Variants in VAMP7 observed in about 807,000 individuals in gnomAD.
VAMP7 encodes vesicle associated membrane protein 7, also known as vesicle-associated membrane protein 7.
In VAMP7, 14 loss-of-function variants were observed where a neutral mutation model predicts 29.6. The ratio of observed to expected loss-of-function variants is 0.47; its 90% confidence interval spans 0.31 to 0.74. VAMP7 has a LOEUF of 0.74. Among genes scored for constraint, VAMP7 ranks in the 30% least tolerant of loss-of-function variants. The pLI, the probability that VAMP7 is intolerant of heterozygous loss-of-function variation, is 0.05. For synonymous variants in VAMP7, 95 were observed against 88.1 expected (o/e 1.08, Z -0.44); for missense variants, 223 against 262.4 (o/e 0.85, Z 1.04).
rs774686924 is a variant in VAMP7 at position 155,918,614 on chromosome X, C to T, written c.434-1199C>T. 1.1e-3 allele frequency among the ~76,000 whole-genome samples: 175 copies of T among 152,218 alleles called. No individual in the cohort carries two copies. The South Asian group carries it at 0.017, about 15-fold the overall frequency. On this transcript the variant is annotated intron_variant, in intron 5 of 7. Coordinates refer to ENST00000286448, the MANE Select transcript of VAMP7 (RefSeq NM_005638.6). ...GATGAGGCAACGCCCCACCCTGCTT[C>T]GGCTCACCCTCCGTGGGCTGCACCC... is the stretch of plus-strand genomic sequence containing the variant.
chrX:155,881,618 G>A (rs2065802745), intron 1 of VAMP7, among the ~76,000 whole-genome samples, 170 bp downstream of exon 1: 1 of 152,076 alleles, frequency 6.6e-6, no homozygotes, highest in Non-Finnish European at 1.5e-5. Flanking sequence ...TTGGCGAGGT[G>A]CGTCTTATGC....
chrX:155,881,807 C>A (rs1439901008), intron 1 of VAMP7, among the ~76,000 whole-genome samples: 1 of 152,126 alleles, frequency 6.6e-6, no homozygotes, highest in African/African-American at 2.4e-5. Context: ...TCGATGACGT[C>A]ACTTTCTGCT....
rs773234929 is a variant in VAMP7, at chrX:155,889,499, G to A, written c.33G>A (p.Gly11=). The A allele has an allele frequency of 1.2e-6, 2 of 1,613,622 alleles. No individual in the cohort carries two copies. The highest frequency in any genetic ancestry group is 1.7e-6 in the Non-Finnish European group (2 of 1,179,768). Residue 11 remains glycine (G), a synonymous_variant, in exon 2 of 8, where the codon GGG becomes GGA. Coordinates refer to ENST00000286448, the MANE Select transcript of VAMP7 (RefSeq NM_005638.6). ...TTCTTTTTGCTGTTGTTGCCAGGGG[G>A]ACCACTATCCTTGCCAAACATGCTT... MAILFAVVAR[G]TTILAKHAWC...
intron 7 of VAMP7, among the ~76,000 whole-genome samples, 193 bp from the exon 8 acceptor site, chrX:155,941,690 G>A (rs2066746121): frequency 6.6e-6 from 1 of 151,938 alleles, no homozygotes; most frequent in African/African-American, 2.4e-5. Context: ...GTGGGTGTGA[G>A]TTATACCAAA....
rs1314338460 is a variant in VAMP7, at chrX:155,895,321, T to C, written c.147-302T>C. On this transcript the variant is annotated intron_variant, in intron 2 of 7. Transcript: ENST00000286448. ...TCTTAATTACATCCTCCTCCTAAGA[T>C]GTCATCTCTTGTTCATGCTTTAAGA... Among the ~76,000 whole-genome samples the C allele has an allele frequency of 5.3e-5, 8 of 152,216 alleles. No individual in the cohort carries two copies. The East Asian group carries it at 1.5e-3, about 29-fold the overall frequency.
chrX:155,881,470 T>C (rs866071971), intron 1 of VAMP7, 22 bp downstream of exon 1: 1 of 135,860 alleles, frequency 7.4e-6, no homozygotes, highest in East Asian at 2.2e-4. Context: ...GGGGTGCGCC[T>C]GCGGGAGGCG....
rs189523194 is a variant in VAMP7 at position 155,943,624 on chromosome X, A to G, written c.*1673A>G. 1 of 152,300 alleles carries G rather than the reference A, an allele frequency of 6.6e-6. No individual in the cohort carries two copies. Among genetic ancestry groups the G allele is most frequent in the Admixed American group, 6.5e-5 (1 of 15,290 alleles). The allele number at this position is 152,300 out of a possible 1,614,324, so 9.4% of individuals were successfully genotyped here. On this transcript the variant is annotated 3_prime_UTR_variant, in exon 8 of 8. Transcript: ENST00000286448. ...ATTTCCCTTTCTTATACACACCTGAATAAAATTGATGTGCATGTTTTAGGG... is the reference window on the plus strand; with the variant it reads ...ATTTCCCTTTCTTATACACACCTGAGTAAAATTGATGTGCATGTTTTAGGG...
At chrX:155,895,368 T>A (rs1487447265) in intron 2 of VAMP7, among the ~76,000 whole-genome samples, 5 of 152,216 alleles carry the variant, frequency 3.3e-5, no homozygotes, top group Non-Finnish European at 7.3e-5. Context: ...CTTTTGCAGC[T>A]ATCGTTCTAA....
chrX:155,931,628 G>A (rs182415925), intron 6 of VAMP7, among the ~76,000 whole-genome samples: 223 of 152,274 alleles, frequency 1.5e-3, no homozygotes, highest in Non-Finnish European at 2.8e-3. Flanking sequence ...TGTCAGATGA[G>A]TAGATTGCAA....
rs34271430 is a variant in VAMP7 at position 155,904,906 on chromosome X, T to TTA, written c.433+4335_433+4336dup. ...TGTGAGCATATATATATATTATATA[T>TTA]TATATATATATATATATGTTTTTGG... On this transcript the variant is annotated intron_variant, in intron 5 of 7. Transcript: ENST00000286448. 1.4e-3 allele frequency among the ~76,000 whole-genome samples: 199 copies of TTA among 145,532 alleles called. 1 individual carries two copies. Among genetic ancestry groups the TTA allele is most frequent in the Admixed American group, 4.4e-3 (63 of 14,386 alleles).
In VAMP7 at chrX:155,889,580, T is replaced by A; in HGVS notation, c.114T>A (p.Ser38=). 6.2e-7 allele frequency: 1 copy of A among 1,613,924 alleles called. No individual in the cohort carries two copies. The highest frequency in any genetic ancestry group is 8.5e-7 in the Non-Finnish European group (1 of 1,179,852). The change falls in exon 2 of 8, where the codon TCT becomes TCA. Residue 38 remains serine (S), a synonymous_variant. Transcript: ENST00000286448. ...AGCAGATTCTGGCTAAGATACCTTC[T>A]GAAAATAACAAACTAACGTACTCAC... ...VTEQILAKIP[S]ENNKLTYSHG... is the part of the protein sequence containing the mutation.
chrX:155,885,296 A>G (rs953435873), intron 1 of VAMP7, among the ~76,000 whole-genome samples: 58 of 152,176 alleles, frequency 3.8e-4, no homozygotes, highest in African/African-American at 1.3e-3. Flanking sequence ...CAGTCCTCCA[A>G]TATGAGCAAG....
chrX:155,933,538 T>C (rs1483809784), intron 6 of VAMP7, among the ~76,000 whole-genome samples: 1 of 152,238 alleles, frequency 6.6e-6, no homozygotes, highest in Admixed American at 6.5e-5. Flanking sequence ...TTCTGTGGGA[T>C]CGGTGGTGAT....
At chrX:155,926,111 G>A (rs185037121) in intron 6 of VAMP7, among the ~76,000 whole-genome samples, 1 of 152,026 alleles carries the variant, frequency 6.6e-6, no homozygotes, top group African/African-American at 2.4e-5. Context: ...TAATTCTTAC[G>A]GGCCCTAGAT....
chrX:155,904,531 C>T (rs1052113615), intron 5 of VAMP7, among the ~76,000 whole-genome samples: 6 of 151,964 alleles, frequency 3.9e-5, no homozygotes, highest in East Asian at 1.9e-4. Flanking sequence ...ACCATTGCTG[C>T]GATCAATTTT....
At chrX:155,923,672 A>G (rs2066427643) in intron 6 of VAMP7, among the ~76,000 whole-genome samples, 1 of 151,438 alleles carries the variant, frequency 6.6e-6, no homozygotes, top group Non-Finnish European at 1.5e-5. Flanking sequence ...ATATTTCTTT[A>G]TGTTTCTTTG....
At chrX:155,928,015 C>A (rs1229564522) in intron 6 of VAMP7, among the ~76,000 whole-genome samples, 1 of 152,070 alleles carries the variant, frequency 6.6e-6, no homozygotes, top group Non-Finnish European at 1.5e-5. Flanking sequence ...ACCTCCCAGG[C>A]TCAAGTGATC....
chrX:155,925,491 G>A (rs762696355), intron 6 of VAMP7, among the ~76,000 whole-genome samples: 7 of 152,286 alleles, frequency 4.6e-5, no homozygotes, highest in East Asian at 1.9e-4. Context: ...GCGCACACCC[G>A]TGACACAGCC....
intron 6 of VAMP7, among the ~76,000 whole-genome samples, chrX:155,935,938 G>A (rs893623080): frequency 2.0e-5 from 3 of 152,120 alleles, no homozygotes; most frequent in Non-Finnish European, 4.4e-5. Context: ...CTCAGCTGCA[G>A]GTCTGTTGGA....
Sources: allele counts gnomAD v4.1 joint callset (sites outside exome capture counted in the v4.1 genomes callset), GRCh38; gene constraint gnomAD v4.1.1; transcripts MANE v1.5; gene names NCBI Gene and HGNC (gene_info 2026-07-23, HGNC 2026-07-21).